SERPINF2: variants seen among roughly 807,000 people sequenced by gnomAD.
The protein encoded by SERPINF2 is alpha-2-antiplasmin.
SERPINF2 carries 15 observed loss-of-function variants against 45.0 expected under a neutral mutation model. The ratio of observed to expected loss-of-function variants is 0.33; its 90% CI spans 0.22 to 0.51. SERPINF2 has a LOEUF of 0.51. SERPINF2 is among the 20% of genes least tolerant of loss of function. The probability of loss-of-function intolerance (pLI) is 0.97; values close to 1 mark genes in which losing one functional copy is unlikely to be tolerated. For synonymous variants in SERPINF2, 283 were observed against 277.9 expected (o/e 1.02, Z -0.18); for missense variants, 518 against 637.4 (o/e 0.81, Z 2.02).
rs550196230 is a variant in SERPINF2, at chr17:1,747,275, A to C, written c.512-34A>C. ...GGGCGTGTCTGGCTGTGGAGCCTGG[A>C]GCCCTGGGAACAGCTTGTGCTGCCT... On this transcript the variant is annotated intron_variant, in intron 6 of 9. Transcript: ENST00000453066. 5 of 1,612,390 alleles carry C rather than the reference A, an allele frequency of 3.1e-6. No homozygotes were observed. In the African/African-American group the frequency reaches 6.7e-5, roughly 21 times the overall value.
intron 7 of SERPINF2, among the ~76,000 whole-genome samples, 156 bp from the exon 8 acceptor site, chr17:1,748,442 G>A (rs890833129): frequency 2.6e-5 from 4 of 152,218 alleles, no homozygotes; most frequent in Admixed American, 2.6e-4. Context: ...CTGGGGTCTT[G>A]GCCTCCACCG....
At chr17:1,743,518 C>A (rs988996253) in intron 1 of SERPINF2, among the ~76,000 whole-genome samples, 1 of 151,578 alleles carries the variant, frequency 6.6e-6, no homozygotes, top group Non-Finnish European at 1.5e-5. Flanking sequence ...GAGTTCGAGA[C>A]CAGCCTGACC....
chr17:1,745,130 G>T lies in SERPINF2; in HGVS notation c.64-45G>T. On this transcript the variant is annotated intron_variant, in intron 2 of 9. Transcript: ENST00000453066. This position sits in a 1 kb window ranked among gnomAD's most constrained non-coding sequence, Gnocchi z 6.2. ...AGAGGGGCGTTGGCATGGAGGGAGG[G>T]CTTGGCTCCGAGGGGACCTCCTATC... is the stretch of plus-strand genomic sequence containing the variant. 6.3e-7 allele frequency: 1 copy of T among 1,596,270 alleles called. No homozygotes were observed. The highest frequency in any genetic ancestry group is 8.5e-7 in the Non-Finnish European group (1 of 1,172,186).
At chr17:1,743,388 C>G (rs1905468986) in intron 1 of SERPINF2, among the ~76,000 whole-genome samples, 1 of 152,200 alleles carries the variant, frequency 6.6e-6, no homozygotes, top group Non-Finnish European at 1.5e-5. Context: ...ACAGGTATGT[C>G]CAGCCTTGTG....
chr17:1,746,327 A>G (rs967702424), intron 5 of SERPINF2, among the ~76,000 whole-genome samples: 1 of 151,880 alleles, frequency 6.6e-6, no homozygotes, highest in African/African-American at 2.4e-5. Flanking sequence ...AAACAACAAC[A>G]ACAACAAATG....
Position 1,754,165 on chromosome 17 carries a change from C to A in SERPINF2, c.1107C>A (p.Ser369=). ...LFQAPDLRGI[S]EQSLVVSGVQ... is the part of the protein sequence containing the mutation. ...AGGCCCCAGACCTGCGTGGGATCTCCGAGCAGAGCCTGGTGGTGTCCGGCG... is the reference window on the plus strand; with the variant it reads ...AGGCCCCAGACCTGCGTGGGATCTCAGAGCAGAGCCTGGTGGTGTCCGGCG... Residue 369 remains serine, a synonymous_variant, in exon 10 of 10, where the codon TCC becomes TCA. Transcript: ENST00000453066. The A allele has an allele frequency of 6.2e-7, 1 of 1,610,650 alleles. No individual in the cohort carries two copies. Among genetic ancestry groups the A allele is most frequent in the East Asian group, 2.2e-5 (1 of 44,880 alleles).
At position 1,746,999 on chromosome 17, in the gene SERPINF2, G is replaced by T; in HGVS notation, c.368-20G>T. 6.2e-7 allele frequency: 1 copy of T among 1,602,608 alleles called. No individual in the cohort carries two copies. Among genetic ancestry groups the T allele is most frequent in the Non-Finnish European group, 8.5e-7 (1 of 1,179,184 alleles). ...AGAAAGGACCCGCAGCCGGGCCTCA[G>T]CCTGTGCGGTGCCCTCCAGGTGCTC... On this transcript the variant is annotated intron_variant, in intron 5 of 9. Coordinates refer to ENST00000453066, the MANE Select transcript of SERPINF2 (RefSeq NM_000934.4).
intron 8 of SERPINF2, among the ~76,000 whole-genome samples, chr17:1,749,793 C>T (rs1906194229): frequency 6.6e-6 from 1 of 151,994 alleles, no homozygotes; most frequent in South Asian, 2.1e-4. Context: ...GGGTTTATTA[C>T]AAGGGCCCAT....
At chr17:1,750,734 G>A (rs895957357) in intron 8 of SERPINF2, among the ~76,000 whole-genome samples, 5 of 152,202 alleles carry the variant, frequency 3.3e-5, no homozygotes, top group African/African-American at 1.2e-4. Context: ...CCCAAGGCAA[G>A]TGTGACACAG....
At chr17:1,746,973 G>C (rs1325643124) in intron 5 of SERPINF2, 46 bp from the exon 6 acceptor site, 1 of 1,593,158 alleles carries the variant, frequency 6.3e-7, no homozygotes, top group Admixed American at 1.7e-5. Flanking sequence ...CAGTGGGGGT[G>C]AGAAAGGACC....
intron 1 of SERPINF2, 139 bp from the exon 2 acceptor site, chr17:1,744,853 C>T: frequency 6.5e-7 from 1 of 1,543,198 alleles, no homozygotes; most frequent in Non-Finnish European, 8.7e-7. Context: ...TGTTTGGGGT[C>T]TGTTCTGATT....
intron 8 of SERPINF2, among the ~76,000 whole-genome samples, chr17:1,752,265 A>T (rs1468162339): frequency 6.6e-6 from 1 of 152,138 alleles, no homozygotes; most frequent in African/African-American, 2.4e-5. Context: ...CATGTTGGTC[A>T]GGCTGGTCTT....
intron 9 of SERPINF2, among the ~76,000 whole-genome samples, chr17:1,753,564 T>C (rs1044314207): frequency 1.3e-5 from 2 of 152,146 alleles, no homozygotes; most frequent in Non-Finnish European, 2.9e-5. Flanking sequence ...CGCATGCCCA[T>C]AATCCCAGCT....
chr17:1,745,831 G>A lies in SERPINF2; in HGVS notation c.289G>A (p.Val97Met). The A allele has an allele frequency of 6.2e-7, 1 of 1,614,006 alleles. No individual in the cohort carries two copies. Among genetic ancestry groups the A allele is most frequent in the Non-Finnish European group, 8.5e-7 (1 of 1,180,024 alleles). The change falls in exon 5 of 10, where the codon GTG becomes ATG. Residue 97 changes from valine (V) to methionine (M), a missense_variant. Around this residue, in one of 2 missense-constraint regions of SERPINF2, gnomAD observed 435 missense variants for 577.3 expected, o/e 0.75. Coordinates refer to ENST00000453066, the MANE Select transcript of SERPINF2 (RefSeq NM_000934.4). The surrounding 1 kb of genome is among the most constrained non-coding windows in gnomAD (Gnocchi z 6.2). ...CTTCACTGCCGACCTGTTCTCCCTG[G>A]TGGCTCAAACGTCCACCTGCCCCAA... ...MAFTADLFSL[V>M]AQTSTCPNLI...
chr17:1,750,092 A>G (rs1416993106), intron 8 of SERPINF2, among the ~76,000 whole-genome samples: 1 of 149,480 alleles, frequency 6.7e-6, no homozygotes, highest in Non-Finnish European at 1.5e-5. Context: ...TCCTGCCTCA[A>G]CCTCTCGAGT....
intron 8 of SERPINF2, among the ~76,000 whole-genome samples, chr17:1,750,183 CTA>C: frequency 6.6e-6 from 1 of 152,136 alleles, no homozygotes; most frequent in East Asian, 1.9e-4. Flanking sequence ...GAGTTTCTCT[CTA>C]TCGCCCAGAC....
intron 7 of SERPINF2, among the ~76,000 whole-genome samples, chr17:1,747,863 C>T (rs1215823069): frequency 7.9e-5 from 12 of 151,702 alleles, no homozygotes; most frequent in African/African-American, 2.9e-4. Flanking sequence ...CGCGCCCGGC[C>T]ATGCAGGCTT....
In SERPINF2 at chr17:1,747,387, A is replaced by T; in HGVS notation, c.590A>T (p.Gln197Leu). The change falls in exon 7 of 10, where the codon CAG becomes CTG. Residue 197 changes from glutamine (Q) to leucine (L), a missense_variant. Around this residue, in one of 2 missense-constraint regions of SERPINF2, gnomAD observed 435 missense variants for 577.3 expected, o/e 0.75. Coordinates refer to ENST00000453066, the MANE Select transcript of SERPINF2 (RefSeq NM_000934.4). ...GAKPVSLTGK[Q>L]EDDLANINQW... is the part of the protein sequence containing the mutation. ...AAGCCCGTGAGCCTGACGGGAAAGC[A>T]GGAAGATGACCTGGCAAACATCAAC... 9.3e-6 allele frequency: 15 copies of T among 1,614,210 alleles called. No individual in the cohort carries two copies. Among genetic ancestry groups the T allele is most frequent in the Non-Finnish European group, 1.3e-5 (15 of 1,180,044 alleles).
At chr17:1,752,473 C>A (rs1053897559) in intron 8 of SERPINF2, 113 bp from the exon 9 acceptor site, 1 of 912,274 alleles carries the variant, frequency 1.1e-6, no homozygotes, top group Non-Finnish European at 1.8e-6. Flanking sequence ...CAGTCACACG[C>A]CTGGCAGGAT....
Sources: gnomAD v4.1 joint callset for allele counts (sites outside exome capture counted in the v4.1 genomes callset) on GRCh38, gnomAD v4.1.1 for gene constraint, gnomAD v4.1.1 regional missense constraint, Gnocchi (gnomAD v3.1) non-coding constraint, MANE v1.5 for transcripts, NCBI Gene and HGNC (gene_info 2026-07-23, HGNC 2026-07-21) for gene names.